CAMK1D: variants seen among roughly 807,000 people sequenced by gnomAD.
The protein encoded by CAMK1D is calcium/calmodulin dependent protein kinase ID.
In CAMK1D, 9 loss-of-function variants were observed where a neutral mutation model predicts 47.7. That is an observed-to-expected ratio of 0.19 (90% CI 0.11 to 0.33). CAMK1D has a LOEUF of 0.33. CAMK1D is among the 10% of genes least tolerant of loss of function. CAMK1D has a pLI of 1.00. For synonymous variants in CAMK1D, 184 were observed against 184.9 expected, an observed-to-expected ratio of 0.99 and a Z score of 0.04; for missense variants, 291 against 488.7, an observed-to-expected ratio of 0.60 and a Z score of 3.81.
intron 2 of CAMK1D, among the ~76,000 whole-genome samples, chr10:12,575,114 A>T (rs1194115529): frequency 6.6e-6 from 1 of 151,740 alleles, no homozygotes; most frequent in East Asian, 1.9e-4. Flanking sequence ...ATTTTTTGAG[A>T]TGGAGTCTCA....
chr10:12,588,801 CACACACACAT>C (rs1461014751), intron 2 of CAMK1D, among the ~76,000 whole-genome samples: 95 of 150,848 alleles, frequency 6.3e-4, no homozygotes, highest in African/African-American at 2.2e-3. Flanking sequence ...CACACACACA[CACACACACAT>C]ACACACATGC....
At chr10:12,352,787 A>G (rs1275015352) in intron 1 of CAMK1D, among the ~76,000 whole-genome samples, 9 of 141,846 alleles carry the variant, frequency 6.3e-5, no homozygotes, top group African/African-American at 2.3e-4. Context: ...CCCAGGCTGG[A>G]GTGCAGTGGC....
chr10:12,402,511 A>T lies in CAMK1D; in HGVS notation c.92+52601A>T, dbSNP rs542144286. 2.6e-5 allele frequency among the ~76,000 whole-genome samples: 4 copies of T among 152,322 alleles called. No homozygotes were observed. The South Asian group carries it at 6.2e-4, about 24-fold the overall frequency. On this transcript the variant is annotated intron_variant, in intron 1 of 10. Transcript: ENST00000619168. ...CCTCCCAAGTGGGACTTTTTATGCC[A>T]CACTTAGTCATTTGGTTTTTATCCT...
At chr10:12,786,411 G>T (rs1375034580) in intron 5 of CAMK1D, among the ~76,000 whole-genome samples, 1 of 152,166 alleles carries the variant, frequency 6.6e-6, no homozygotes, top group East Asian at 1.9e-4. Context: ...GTACATTCTT[G>T]TTCATATTCT....
At chr10:12,468,457 G>T (rs1245562877) in intron 1 of CAMK1D, among the ~76,000 whole-genome samples, 2 of 152,240 alleles carry the variant, frequency 1.3e-5, no homozygotes, top group African/African-American at 2.4e-5. Context: ...GGTGGAACTA[G>T]AACTTTCTGG....
At position 12,748,733 on chromosome 10, in the gene CAMK1D, G is replaced by A. The variant is rs12218931; in HGVS notation, c.300-12215G>A. ...AAATGTCCATTAGTCCATCAGTGGG[G>A]ATTGATAATAAGCAAAGCAAAATTA... On this transcript the variant is annotated intron_variant, in intron 3 of 10. Coordinates refer to ENST00000619168, the MANE Select transcript of CAMK1D (RefSeq NM_153498.4). Among the ~76,000 whole-genome samples, 256 of 152,288 alleles carry A rather than the reference G, an allele frequency of 1.7e-3. 7 individuals are homozygous for A. The East Asian group carries it at 0.046, about 27-fold the overall frequency.
chr10:12,454,941 A>G (rs1833197537), intron 1 of CAMK1D, among the ~76,000 whole-genome samples: 1 of 152,024 alleles, frequency 6.6e-6, no homozygotes, highest in African/African-American at 2.4e-5. Flanking sequence ...TTCACATAAG[A>G]TCCCTTATTT....
intron 1 of CAMK1D, among the ~76,000 whole-genome samples, chr10:12,481,004 G>A (rs956203392): frequency 1.1e-4 from 17 of 152,182 alleles, no homozygotes; most frequent in Non-Finnish European, 2.4e-4. Flanking sequence ...GGGAAATTTA[G>A]TTTATAGTTT....
intron 1 of CAMK1D, among the ~76,000 whole-genome samples, chr10:12,357,885 T>C (rs879658331): frequency 6.6e-6 from 1 of 152,184 alleles, no homozygotes; most frequent in Non-Finnish European, 1.5e-5. Flanking sequence ...TTCTTTTCTT[T>C]TTTTTTGGTT....
chr10:12,805,263 A>G (rs1037733030), intron 6 of CAMK1D, among the ~76,000 whole-genome samples: 9 of 152,068 alleles, frequency 5.9e-5, no homozygotes, highest in Non-Finnish European at 1.2e-4. Context: ...CTCAAAAAAA[A>G]GAAATACTAG....
At chr10:12,688,307 C>A (rs1252852347) in intron 3 of CAMK1D, among the ~76,000 whole-genome samples, 1 of 152,202 alleles carries the variant, frequency 6.6e-6, no homozygotes, top group Non-Finnish European at 1.5e-5. Context: ...GTGTGAATGA[C>A]TGAATCTTAG....
chr10:12,492,218 C>G (rs1286077556), intron 1 of CAMK1D, among the ~76,000 whole-genome samples: 1 of 152,036 alleles, frequency 6.6e-6, no homozygotes, highest in African/African-American at 2.4e-5. Flanking sequence ...CTCGGGCTGC[C>G]CTTCACGGTG....
intron 6 of CAMK1D, among the ~76,000 whole-genome samples, chr10:12,813,613 C>G (rs947641093): frequency 6.6e-6 from 1 of 152,082 alleles, no homozygotes; most frequent in East Asian, 1.9e-4. Flanking sequence ...TAGTTATTTA[C>G]CTTTGATCAT....
At chr10:12,769,934 T>C in intron 5 of CAMK1D, 135 bp downstream of exon 5, 1 of 910,362 alleles carries the variant, frequency 1.1e-6, no homozygotes, top group Non-Finnish European at 1.7e-6. Flanking sequence ...TCACTTCCCC[T>C]GGGGGAAAGA....
intron 2 of CAMK1D, among the ~76,000 whole-genome samples, chr10:12,609,669 C>T (rs574942148): frequency 6.6e-5 from 10 of 152,242 alleles, no homozygotes; most frequent in African/African-American, 1.7e-4. Flanking sequence ...GGCGGTGATG[C>T]GGGTGATGGG....
Position 12,808,104 on chromosome 10 carries a change from C to G in CAMK1D, c.642-6091C>G, listed in dbSNP as rs947135587. 2.0e-5 allele frequency among the ~76,000 whole-genome samples: 3 copies of G among 152,212 alleles called. No homozygotes were observed. The South Asian group carries it at 6.2e-4, about 32-fold the overall frequency. On this transcript the variant is annotated intron_variant, in intron 6 of 10. Transcript: ENST00000619168. The stretch of plus-strand genomic sequence containing the variant: ...CCATGCTCTTATTCCTGGGCAGCCA[C>G]TCCTGCCGGCAGCCCACCTGTTTCT...
Position 12,781,776 on chromosome 10 carries a change from C to T in CAMK1D, c.566-9382C>T, listed in dbSNP as rs547672130. 4.6e-5 allele frequency among the ~76,000 whole-genome samples: 7 copies of T among 152,038 alleles called. No individual in the cohort carries two copies. In the South Asian group the frequency reaches 8.3e-4, roughly 18 times the overall value. ...AAGCGATTCTCCTGCCTCATCCTCC[C>T]GAGAAGCTGGGATTACAAGCACGCA... On this transcript the variant is annotated intron_variant, in intron 5 of 10. Transcript: ENST00000619168.
At chr10:12,474,438 C>T (rs1467319542) in intron 1 of CAMK1D, among the ~76,000 whole-genome samples, 1 of 151,996 alleles carries the variant, frequency 6.6e-6, no homozygotes, top group Non-Finnish European at 1.5e-5. Context: ...AAGAATCCGC[C>T]TGCCTCGGCT....
At chr10:12,772,253 G>A (rs1361267708) in intron 5 of CAMK1D, among the ~76,000 whole-genome samples, 2 of 152,156 alleles carry the variant, frequency 1.3e-5, no homozygotes, top group East Asian at 1.9e-4. Context: ...GAATACATGA[G>A]ACGAGACAAG....
Sources: gnomAD v4.1 joint callset for allele counts (sites outside exome capture counted in the v4.1 genomes callset) on GRCh38, gnomAD v4.1.1 for gene constraint, MANE v1.5 for transcripts, NCBI Gene and HGNC (gene_info 2026-07-23, HGNC 2026-07-21) for gene names.